Variants in MAGI1 observed in about 807,000 individuals in gnomAD.
MAGI1 encodes membrane associated guanylate kinase, WW and PDZ domain containing 1, also known as membrane-associated guanylate kinase, WW and PDZ domain-containing protein 1.
A neutral mutation model predicts 139.9 loss-of-function variants in MAGI1; 58 were observed. The ratio of observed to expected loss-of-function variants is 0.41; its 90% CI spans 0.34 to 0.52. The LOEUF (loss-of-function observed/expected upper bound fraction) is 0.52. MAGI1 is among the 20% of genes least tolerant of loss of function. The pLI is 0.12. For synonymous variants in MAGI1, 812 were observed against 737.9 expected (o/e 1.10, Z -1.63); for missense variants, 1,874 against 1,901.6 (o/e 0.99, Z 0.27).
intron 1 of MAGI1, among the ~76,000 whole-genome samples, chr3:65,685,206 T>G (rs2087916412): frequency 6.6e-6 from 1 of 152,018 alleles, no homozygotes; most frequent in Admixed American, 6.6e-5. Flanking sequence ...TTAGTATCAT[T>G]AAGATGCATA....
chr3:65,387,077 G>A, intron 14 of MAGI1: 1 of 1,411,214 alleles, frequency 7.1e-7, no homozygotes, highest in East Asian at 2.3e-5. Context: ...CAGGCCCCCA[G>A]ACCAATGAGA....
intron 1 of MAGI1, among the ~76,000 whole-genome samples, chr3:65,722,075 T>C (rs1381654220): frequency 2.0e-5 from 3 of 152,172 alleles, no homozygotes; most frequent in Admixed American, 6.5e-5. Context: ...TCAGGGTCAG[T>C]TGCTCTTTCC....
At chr3:65,653,297 T>C (rs1234491485) in intron 1 of MAGI1, among the ~76,000 whole-genome samples, 1 of 152,106 alleles carries the variant, frequency 6.6e-6, no homozygotes, top group Non-Finnish European at 1.5e-5. Context: ...ACTAGACCAT[T>C]ACAGAAGCCT....
At chr3:65,936,274 A>T (rs1273365016) in intron 1 of MAGI1, among the ~76,000 whole-genome samples, 1 of 152,172 alleles carries the variant, frequency 6.6e-6, no homozygotes, top group African/African-American at 2.4e-5. Context: ...CTGACTGCAA[A>T]ATACAAAGAG....
intron 1 of MAGI1, among the ~76,000 whole-genome samples, chr3:65,947,147 C>T (rs990182221): frequency 6.6e-6 from 1 of 152,122 alleles, no homozygotes; most frequent in Non-Finnish European, 1.5e-5. Flanking sequence ...AACTCCCGAG[C>T]TTGTGTTTCC....
chr3:65,758,589 C>T (rs1220251670), intron 1 of MAGI1, among the ~76,000 whole-genome samples: 2 of 152,028 alleles, frequency 1.3e-5, no homozygotes, highest in African/African-American at 2.4e-5. Flanking sequence ...AATATCATGC[C>T]CCAGGAGACA....
intron 1 of MAGI1, among the ~76,000 whole-genome samples, chr3:65,934,052 C>A (rs55712705): frequency 6.6e-6 from 1 of 151,944 alleles, no homozygotes; most frequent in Non-Finnish European, 1.5e-5. Context: ...ACTTGAACTG[C>A]GAAGGTTGCA....
At chr3:65,388,732 G>C (rs1019600549) in intron 14 of MAGI1, among the ~76,000 whole-genome samples, 29 of 151,340 alleles carry the variant, frequency 1.9e-4, no homozygotes, top group African/African-American at 7.0e-4. Flanking sequence ...GTCAACTACA[G>C]AGACTCCAAT....
intron 17 of MAGI1, among the ~76,000 whole-genome samples, chr3:65,377,908 T>C (rs1054765789): frequency 6.6e-6 from 1 of 152,188 alleles, no homozygotes; most frequent in Non-Finnish European, 1.5e-5. Flanking sequence ...CAGGATTAAA[T>C]GGAGGCCAAG....
chr3:65,373,602 G>A (rs1942207186), intron 18 of MAGI1, among the ~76,000 whole-genome samples: 1 of 152,152 alleles, frequency 6.6e-6, no homozygotes, highest in Non-Finnish European at 1.5e-5. Flanking sequence ...ATAAAATGAA[G>A]TGCAATGAAA....
chr3:65,717,989 G>A (rs1357756828), intron 1 of MAGI1, among the ~76,000 whole-genome samples: 1 of 152,116 alleles, frequency 6.6e-6, no homozygotes, highest in Non-Finnish European at 1.5e-5. Context: ...GGTAGATTCT[G>A]TCTAACCAAG....
intron 2 of MAGI1, among the ~76,000 whole-genome samples, chr3:65,579,018 G>C (rs1255475202): frequency 6.6e-6 from 1 of 151,870 alleles, no homozygotes; most frequent in Non-Finnish European, 1.5e-5. Flanking sequence ...TTTTGCGGGG[G>C]AGGGGTGGGG....
chr3:65,590,699 C>T (rs1025246755), intron 2 of MAGI1, among the ~76,000 whole-genome samples: 4 of 152,148 alleles, frequency 2.6e-5, no homozygotes, highest in Admixed American at 1.3e-4. Context: ...TTAGTCTGTC[C>T]TACCAAATGT....
chr3:65,791,548 G>C (rs916202915), intron 1 of MAGI1, among the ~76,000 whole-genome samples: 16 of 152,116 alleles, frequency 1.1e-4, no homozygotes, highest in Non-Finnish European at 2.1e-4. Context: ...ACACAGAAAA[G>C]AGAAAGGGAG....
chr3:65,419,305 A>G (rs1335053702), intron 12 of MAGI1, among the ~76,000 whole-genome samples: 1 of 138,126 alleles, frequency 7.2e-6, no homozygotes, highest in Non-Finnish European at 1.6e-5. Context: ...GTGTGTGTGT[A>G]TGCATGTATG....
chr3:65,493,890 G>A (rs1167023940), intron 2 of MAGI1, among the ~76,000 whole-genome samples: 2 of 152,120 alleles, frequency 1.3e-5, no homozygotes, highest in Non-Finnish European at 2.9e-5. Flanking sequence ...CCTAGAGAGA[G>A]TTTTATACCA....
chr3:66,023,594 G>A (rs571687704), intron 1 of MAGI1, among the ~76,000 whole-genome samples: 3 of 152,222 alleles, frequency 2.0e-5, no homozygotes, highest in South Asian at 4.1e-4. Flanking sequence ...GATGACTACC[G>A]GTCTTAGAGG....
chr3:65,456,853 T>A (rs1949425778), intron 5 of MAGI1, among the ~76,000 whole-genome samples: 1 of 152,218 alleles, frequency 6.6e-6, no homozygotes, highest in African/African-American at 2.4e-5. Flanking sequence ...TGGATCTATC[T>A]CTGGTTCTGC....
At chr3:65,998,940 T>C (rs2066598836) in intron 1 of MAGI1, among the ~76,000 whole-genome samples, 1 of 152,068 alleles carries the variant, frequency 6.6e-6, no homozygotes, top group Non-Finnish European at 1.5e-5. Context: ...TTTACAGTTA[T>C]TTCATTTCTT....
Sources: gnomAD v4.1 joint callset for allele counts (sites outside exome capture counted in the v4.1 genomes callset) on GRCh38, gnomAD v4.1.1 for gene constraint, MANE v1.5 for transcripts, NCBI Gene and HGNC (gene_info 2026-07-23, HGNC 2026-07-21) for gene names.